The following CPSF2 variants were observed in gnomAD, a reference collection of about 807,000 sequenced individuals.
CPSF2 encodes the protein cleavage and polyadenylation specificity factor subunit 2.
A neutral mutation model predicts 84.2 loss-of-function variants in CPSF2; 51 were observed. That is an observed-to-expected ratio of 0.61 (90% CI 0.48 to 0.77). The LOEUF (loss-of-function observed/expected upper bound fraction) is 0.77, where lower values mean the gene tolerates loss of function less well. Ranked by LOEUF, CPSF2 falls within the 30% of genes least tolerant of loss-of-function variation. CPSF2 has a pLI of 0.00. For synonymous variants in CPSF2, 286 were observed against 311.9 expected (o/e 0.92, Z 0.87); for missense variants, 641 against 929.4 (o/e 0.69, Z 4.03).
intron 7 of CPSF2, among the ~76,000 whole-genome samples, chr14:92,141,745 G>T (rs886086863): frequency 6.6e-6 from 1 of 152,116 alleles, no homozygotes; most frequent in Non-Finnish European, 1.5e-5. Context: ...GTGTATATAT[G>T]TATGTATATA....
intron 10 of CPSF2, 40 bp downstream of exon 10, chr14:92,154,498 A>C: frequency 1.5e-6 from 2 of 1,356,398 alleles, no homozygotes; most frequent in Non-Finnish European, 2.0e-6. Flanking sequence ...TATGGATGCA[A>C]TTTGAGAAGA....
intron 14 of CPSF2, among the ~76,000 whole-genome samples, chr14:92,160,725 C>T (rs2025073): frequency 0.51 from 77,930 of 151,944 alleles, 21,531 homozygotes; most frequent in East Asian, 0.98. Flanking sequence ...GGGGAGGAAA[C>T]GTCTTTTGAA....
chr14:92,125,606 G>A (rs1162378423), intron 1 of CPSF2, among the ~76,000 whole-genome samples: 1 of 152,030 alleles, frequency 6.6e-6, no homozygotes, highest in Non-Finnish European at 1.5e-5. Flanking sequence ...TCTGTTGCCT[G>A]CAGGACTAGG....
intron 2 of CPSF2, among the ~76,000 whole-genome samples, chr14:92,126,400 A>G (rs1025191325): frequency 2.0e-5 from 3 of 152,212 alleles, no homozygotes; most frequent in African/African-American, 7.2e-5. Flanking sequence ...TTAGGCCATT[A>G]ATATAATTGT....
At position 92,164,008 on chromosome 14, in the gene CPSF2, G is replaced by A. The variant is rs1012426042; in HGVS notation, c.*2264G>A. On this transcript the variant is annotated 3_prime_UTR_variant, in exon 16 of 16. Coordinates refer to ENST00000298875, the MANE Select transcript of CPSF2 (RefSeq NM_017437.3). ...GCCTCCCAAAGTGCTGGGATTACAG[G>A]CGTGAGCCACTGCTCCTGGCCCAAG... 6.6e-6 allele frequency: 1 copy of A among 152,434 alleles called. No individual in the cohort carries two copies. Among genetic ancestry groups the A allele is most frequent in the Non-Finnish European group, 1.5e-5 (1 of 68,244 alleles). The allele number at this position is 152,434 out of a possible 1,614,324, so 9.4% of individuals were successfully genotyped here.
At chr14:92,127,333 A>G (rs529579988) in intron 2 of CPSF2, among the ~76,000 whole-genome samples, 20 of 152,248 alleles carry the variant, frequency 1.3e-4, no homozygotes, top group Middle Eastern at 3.4e-3. Context: ...CAGGGAAAAT[A>G]TATATAAAAG....
chr14:92,149,401 A>G (rs2069183394), intron 9 of CPSF2, among the ~76,000 whole-genome samples: 1 of 150,576 alleles, frequency 6.6e-6, no homozygotes, highest in African/African-American at 2.4e-5. Flanking sequence ...GGGCAACAGC[A>G]ACACTCTGCC....
chr14:92,132,543 G>A (rs189448121), intron 3 of CPSF2, among the ~76,000 whole-genome samples: 100 of 151,872 alleles, frequency 6.6e-4, no homozygotes, highest in African/African-American at 2.3e-3. Flanking sequence ...AGGCCGAGGC[G>A]GGCAGATCAC....
At chr14:92,154,825 C>A (rs1157694770) in intron 10 of CPSF2, among the ~76,000 whole-genome samples, 2 of 152,078 alleles carry the variant, frequency 1.3e-5, no homozygotes, top group African/African-American at 4.8e-5. Flanking sequence ...TATGATATGG[C>A]CCATTGTTCC....
rs537123095 is a variant in CPSF2 at position 92,153,028 on chromosome 14, A to G, written c.1141-1330A>G. Among the ~76,000 whole-genome samples, 314 of 152,206 alleles carry G rather than the reference A, an allele frequency of 2.1e-3. 2 individuals are homozygous for G. The highest frequency in any genetic ancestry group is 0.017 in the Middle Eastern group (5 of 294). On this transcript the variant is annotated intron_variant, in intron 9 of 15. Coordinates refer to ENST00000298875, the MANE Select transcript of CPSF2 (RefSeq NM_017437.3). ...ACATTTGTGATTGTTTCAGTAGGATAAATTCCTAGAAGTAGAAATACTGTG... is the reference window on the plus strand; with the variant it reads ...ACATTTGTGATTGTTTCAGTAGGATGAATTCCTAGAAGTAGAAATACTGTG...
At chr14:92,161,033 A>C in intron 14 of CPSF2, 79 bp from the exon 15 acceptor site, 2 of 1,286,946 alleles carry the variant, frequency 1.6e-6, no homozygotes, top group Non-Finnish European at 2.2e-6. Context: ...GAGATAATGT[A>C]GTATTTTACT....
chr14:92,149,245 C>T (rs1381775684), intron 9 of CPSF2, among the ~76,000 whole-genome samples: 3 of 151,938 alleles, frequency 2.0e-5, no homozygotes, highest in Non-Finnish European at 1.5e-5. Context: ...TTTTCACCAC[C>T]GTACATACAC....
intron 8 of CPSF2, 34 bp from the exon 9 acceptor site, chr14:92,142,970 T>G: frequency 2.0e-6 from 3 of 1,518,384 alleles, no homozygotes; most frequent in Non-Finnish European, 2.7e-6. Flanking sequence ...TAATATAGTA[T>G]TTCTAATTCT....
At chr14:92,159,989 G>A (rs2069349441) in intron 14 of CPSF2, among the ~76,000 whole-genome samples, 1 of 151,514 alleles carries the variant, frequency 6.6e-6, no homozygotes, top group African/African-American at 2.4e-5. Context: ...TTGAGATGGA[G>A]TCTCGCTCTG....
intron 1 of CPSF2, among the ~76,000 whole-genome samples, chr14:92,124,900 G>A (rs964911464): frequency 1.3e-5 from 2 of 152,046 alleles, no homozygotes; most frequent in South Asian, 2.1e-4. Flanking sequence ...TTTGTGGCAC[G>A]CATTATATGT....
chr14:92,143,798 A>C (rs1277391712), intron 9 of CPSF2, among the ~76,000 whole-genome samples: 1 of 151,756 alleles, frequency 6.6e-6, no homozygotes. Context: ...TTTTGGAAAG[A>C]CGTTGTCTCA....
At position 92,161,182 on chromosome 14, in the gene CPSF2, A is replaced by G. The variant is rs1025334318; in HGVS notation, c.2192A>G (p.Glu731Gly). 3 of 1,613,908 alleles carry G rather than the reference A, an allele frequency of 1.9e-6. No homozygotes were observed. The Admixed American group carries it at 5.0e-5, about 27-fold the overall frequency. ...LSDFKQVLLR[E>G]GIQAEFVGGV... ...GACTTCAAGCAAGTTCTCTTACGGG[A>G]GGGGATTCAAGCTGAATTTGTAGGA... Residue 731 changes from glutamate (E) to glycine (G), a missense_variant, in exon 15 of 16, where the codon GAG (glutamate) becomes GGG (glycine). Glu to Gly is a moderately conservative substitution (Grantham distance 98). This residue lies in a region of CPSF2 where 430 missense variants were observed against 553.6 expected (regional missense o/e 0.78). Coordinates refer to ENST00000298875, the MANE Select transcript of CPSF2 (RefSeq NM_017437.3).
chr14:92,149,840 A>G (rs767542007), intron 9 of CPSF2, among the ~76,000 whole-genome samples: 4 of 151,600 alleles, frequency 2.6e-5, no homozygotes, highest in Non-Finnish European at 5.9e-5. Flanking sequence ...TAGTTTTAGT[A>G]GAGACATTGT....
At chr14:92,122,455 C>T (rs1175115092) in intron 1 of CPSF2, 1 of 156,808 alleles carries the variant, frequency 6.4e-6, no homozygotes, top group Non-Finnish European at 1.4e-5. Context: ...GCTTTAGCTC[C>T]TTGGCTTCGT....
Sources: allele counts gnomAD v4.1 joint callset (sites outside exome capture counted in the v4.1 genomes callset), GRCh38; gene constraint gnomAD v4.1.1; regional missense constraint gnomAD v4.1.1; transcripts MANE v1.5; gene names NCBI Gene and HGNC (gene_info 2026-07-23, HGNC 2026-07-21).